The following ADGRB3 variants were observed in gnomAD, a reference collection of about 807,000 sequenced individuals.
ADGRB3 encodes the protein brain-specific angiogenesis inhibitor 3.
In ADGRB3, 37 loss-of-function variants were observed where a neutral mutation model predicts 193.4. The observed-to-expected ratio is 0.19, with a 90% confidence interval of 0.15 to 0.25. The LOEUF is 0.25. Among genes scored for constraint, ADGRB3 ranks in the 10% least tolerant of loss-of-function variants. ADGRB3 has a pLI of 1.00. For synonymous variants in ADGRB3, 690 were observed against 644.2 expected (o/e 1.07, Z -1.08); for missense variants, 1,637 against 1,852.9 (o/e 0.88, Z 2.14).
chr6:69,084,515 G>C (rs993837365), intron 17 of ADGRB3, among the ~76,000 whole-genome samples: 3 of 151,952 alleles, frequency 2.0e-5, no homozygotes, highest in Admixed American at 6.6e-5. Flanking sequence ...ATTTCCTATA[G>C]TCTATTATTT....
intron 16 of ADGRB3, among the ~76,000 whole-genome samples, chr6:69,063,639 G>C (rs991897808): frequency 6.6e-6 from 1 of 151,896 alleles, no homozygotes; most frequent in Admixed American, 6.6e-5. Context: ...CTAAGTCAAG[G>C]ATCAGGGAAG....
chr6:69,137,014 T>A (rs1774168407), intron 17 of ADGRB3, among the ~76,000 whole-genome samples: 1 of 151,570 alleles, frequency 6.6e-6, no homozygotes, highest in Non-Finnish European at 1.5e-5. Context: ...ATCTTTTTAC[T>A]TCTCATCCCA....
At chr6:69,297,756 C>T (rs188985271) in intron 20 of ADGRB3, among the ~76,000 whole-genome samples, 40 of 151,946 alleles carry the variant, frequency 2.6e-4, no homozygotes, top group East Asian at 9.7e-4. Context: ...TAGTTGCACT[C>T]AAAATAGAAA....
At chr6:69,121,821 G>A (rs1158795553) in intron 17 of ADGRB3, among the ~76,000 whole-genome samples, 1 of 151,332 alleles carries the variant, frequency 6.6e-6, no homozygotes, top group African/African-American at 2.4e-5. Flanking sequence ...CCCAGACAAT[G>A]GGCGGCCGGG....
intron 3 of ADGRB3, among the ~76,000 whole-genome samples, chr6:68,878,957 C>G (rs536720149): frequency 2.0e-5 from 3 of 152,216 alleles, no homozygotes; most frequent in Admixed American, 2.0e-4. Flanking sequence ...ATCAGGAGAA[C>G]AGCACAGGAA....
intron 17 of ADGRB3, among the ~76,000 whole-genome samples, chr6:69,174,822 T>G (rs923922079): frequency 2.0e-5 from 3 of 152,232 alleles, no homozygotes; most frequent in Non-Finnish European, 2.9e-5. Context: ...AGATGGTATC[T>G]CATTGTGATT....
intron 3 of ADGRB3, among the ~76,000 whole-genome samples, chr6:68,711,351 A>G (rs190733847): frequency 6.6e-6 from 1 of 152,222 alleles, no homozygotes; most frequent in East Asian, 1.9e-4. Context: ...AACAATATCT[A>G]TTTTGCACAA....
chr6:69,017,533 A>G (rs1770129996), intron 12 of ADGRB3, among the ~76,000 whole-genome samples: 1 of 151,952 alleles, frequency 6.6e-6, no homozygotes, highest in Non-Finnish European at 1.5e-5. Flanking sequence ...ACTATGAACT[A>G]TTGACACAAT....
intron 13 of ADGRB3, among the ~76,000 whole-genome samples, chr6:69,020,560 C>T (rs1415035): frequency 0.15 from 23,371 of 151,974 alleles, 2,180 homozygotes; most frequent in South Asian, 0.29. Context: ...TTAAGCATAA[C>T]TCAAAGCAGT....
intron 17 of ADGRB3, among the ~76,000 whole-genome samples, chr6:69,190,020 T>A (rs1389266571): frequency 6.6e-6 from 1 of 152,158 alleles, no homozygotes; most frequent in African/African-American, 2.4e-5. Context: ...CATACGGTAT[T>A]GCCTTTCATA....
intron 11 of ADGRB3, among the ~76,000 whole-genome samples, chr6:68,996,605 T>G (rs1323196357): frequency 6.6e-6 from 1 of 152,142 alleles, no homozygotes; most frequent in Admixed American, 6.5e-5. Context: ...CTGAAAGCAC[T>G]GTATGTTCTT....
chr6:68,689,896 C>T (rs546160591), intron 3 of ADGRB3, among the ~76,000 whole-genome samples: 39 of 152,236 alleles, frequency 2.6e-4, no homozygotes, highest in Admixed American at 1.7e-3. Flanking sequence ...CATTTTCAAG[C>T]CTGCTGAGAT....
intron 3 of ADGRB3, among the ~76,000 whole-genome samples, chr6:68,662,403 C>T (rs960043225): frequency 5.3e-5 from 8 of 151,280 alleles, no homozygotes; most frequent in South Asian, 2.1e-4. Context: ...CAGGATAGGG[C>T]GAGATTTTGG....
At chr6:69,177,048 G>T (rs772427129) in intron 17 of ADGRB3, among the ~76,000 whole-genome samples, 2 of 152,012 alleles carry the variant, frequency 1.3e-5, no homozygotes, top group South Asian at 2.1e-4. Flanking sequence ...GCAATCTGTC[G>T]ATCTTGTTTA....
intron 20 of ADGRB3, among the ~76,000 whole-genome samples, chr6:69,256,327 A>G (rs1012013646): frequency 7.2e-5 from 11 of 151,994 alleles, no homozygotes; most frequent in African/African-American, 2.2e-4. Context: ...GATTCTTCCT[A>G]CCCATGAGCA....
chr6:69,258,593 T>TG (rs1766833669), intron 20 of ADGRB3, among the ~76,000 whole-genome samples: 1 of 152,256 alleles, frequency 6.6e-6, no homozygotes. Flanking sequence ...AAATGGTGTA[T>TG]AGTCCAGAGC....
At chr6:68,844,465 T>C (rs1768234130) in intron 3 of ADGRB3, among the ~76,000 whole-genome samples, 1 of 152,194 alleles carries the variant, frequency 6.6e-6, no homozygotes, top group South Asian at 2.1e-4. Flanking sequence ...ACAAGTTAAA[T>C]GGCTTTTATC....
chr6:68,966,108 A>C (rs1000477354), intron 8 of ADGRB3, among the ~76,000 whole-genome samples: 18 of 152,210 alleles, frequency 1.2e-4, no homozygotes, highest in African/African-American at 4.3e-4. Context: ...AGCACATAAG[A>C]TATCCTTCCT....
chr6:68,720,867 A>G (rs1765563751), intron 3 of ADGRB3, among the ~76,000 whole-genome samples: 1 of 151,778 alleles, frequency 6.6e-6, no homozygotes, highest in Non-Finnish European at 1.5e-5. Flanking sequence ...CAGAGCAATA[A>G]AATACCAGGT....
Sources: gnomAD v4.1 joint callset for allele counts (sites outside exome capture counted in the v4.1 genomes callset) on GRCh38, gnomAD v4.1.1 for gene constraint, MANE v1.5 for transcripts, NCBI Gene and HGNC (gene_info 2026-07-23, HGNC 2026-07-21) for gene names.